TTLL12: variants seen among roughly 807,000 people sequenced by gnomAD.
TTLL12 encodes the protein tubulin--tyrosine ligase-like protein 12.
In TTLL12, 77 loss-of-function variants were observed where a neutral mutation model predicts 79.6. That is an observed-to-expected ratio of 0.97 (90% confidence interval 0.81 to 1.17). The LOEUF (loss-of-function observed/expected upper bound fraction) is 1.17. TTLL12 is among the 50% of genes most tolerant of loss of function. The pLI is 0.00. For synonymous variants in TTLL12, 437 were observed against 376.1 expected (o/e 1.16, Z -1.87); for missense variants, 969 against 895.9 (o/e 1.08, Z -1.04).
At chr22:43,168,491 G>A (rs2147064996) in intron 13 of TTLL12, among the ~76,000 whole-genome samples, 1 of 152,026 alleles carries the variant, frequency 6.6e-6, no homozygotes, top group South Asian at 2.1e-4. Flanking sequence ...CACAGGGAAG[G>A]CCAGCCAGGG....
intron 1 of TTLL12, among the ~76,000 whole-genome samples, chr22:43,185,126 G>A (rs183532754): frequency 1.5e-4 from 23 of 151,666 alleles, no homozygotes; most frequent in Non-Finnish European, 1.5e-5. Flanking sequence ...TACTCGGGAG[G>A]CTGAGGCAGG....
Position 43,171,899 on chromosome 22 carries a change from C to A in TTLL12, c.1495G>T (p.Ala499Ser). ...TCATCCAGGTCGTTGAGTGCAAAGG[C>A]CCTGGAAGACAAGTGTGCAGACACA... is the stretch of plus-strand genomic sequence containing the variant. ...DVFWLRFSNRAFALNDLDDYE... is the reference protein window; with the variant it reads ...DVFWLRFSNRSFALNDLDDYE... Residue 499 changes from alanine (A) to serine (S), a missense_variant and splice_region_variant, in exon 11 of 14, where the codon GCC becomes TCC. Transcript: ENST00000216129. The A allele has an allele frequency of 1.9e-6, 3 of 1,614,020 alleles. No individual in the cohort carries two copies. In the South Asian group the frequency reaches 3.3e-5, roughly 18 times the overall value.
In TTLL12 at chr22:43,172,556, T is replaced by C. The variant is rs945527419; in HGVS notation, c.1342-2A>G. On this transcript the variant is annotated splice_acceptor_variant, in intron 9 of 13. Transcript: ENST00000216129. LOFTEE classifies it high-confidence loss of function. ...ACTTTCGATGTACTTGGACACAACCTGGAGGACACAGGTGCAAGCTCGCTG... is the reference window on the plus strand; with the variant it reads ...ACTTTCGATGTACTTGGACACAACCCGGAGGACACAGGTGCAAGCTCGCTG... 1 of 1,613,924 alleles carries C rather than the reference T, an allele frequency of 6.2e-7. No individual in the cohort carries two copies. The highest frequency in any genetic ancestry group is 8.5e-7 in the Non-Finnish European group (1 of 1,180,018).
At position 43,166,960 on chromosome 22, in the gene TTLL12, C is replaced by T. The variant is rs935645502; in HGVS notation, c.*1048G>A. On this transcript the variant is annotated 3_prime_UTR_variant, in exon 14 of 14. Transcript: ENST00000216129. The stretch of plus-strand genomic sequence containing the variant: ...TGGGCAGTTAGGTCCACCCACTGCC[C>T]GTGAGCTGGGCCCAGGCACACTGCA... 14 of 312,368 alleles carry T rather than the reference C, an allele frequency of 4.5e-5. No homozygotes were observed. Among genetic ancestry groups the T allele is most frequent in the South Asian group, 1.6e-4 (6 of 36,710 alleles). 19.3% of individuals were successfully genotyped at this position (312,368 alleles called of 1,614,324 possible). A position where few individuals can be genotyped will look rare whatever the true frequency, so the allele number is the denominator to read the frequency against.
intron 13 of TTLL12, 106 bp from the exon 14 acceptor site, chr22:43,168,265 CT>C (rs1931669464): frequency 1.4e-6 from 2 of 1,470,790 alleles, no homozygotes; most frequent in Non-Finnish European, 1.8e-6. Flanking sequence ...AACCTGGGCC[CT>C]GATTCCCAGG....
chr22:43,179,841 C>A lies in TTLL12; in HGVS notation c.706G>T (p.Glu236Ter), dbSNP rs777178577. The A allele has an allele frequency of 6.3e-7, 1 of 1,582,500 alleles. No individual in the cohort carries two copies. Among genetic ancestry groups the A allele is most frequent in the East Asian group, 2.3e-5 (1 of 44,398 alleles). Reference sequence around the variant, plus strand: ...CAGGGCGGGCAGGTGCTGGACTTACCGCCAGTGTCCAGGTCCCTCAGGGGC... The same window carrying A: ...CAGGGCGGGCAGGTGCTGGACTTACAGCCAGTGTCCAGGTCCCTCAGGGGC... ...LWPLRDLDTGEEVTRDFAYGE... is the reference protein window; with the variant it reads ...LWPLRDLDTG The change falls in exon 4 of 14, where the codon GAG becomes TAG. Residue 236 changes from glutamate (E) to a stop codon, truncating the protein, a stop_gained and splice_region_variant. Coordinates refer to ENST00000216129, the MANE Select transcript of TTLL12 (RefSeq NM_015140.4). LOFTEE classifies it high-confidence loss of function.
In TTLL12 at chr22:43,168,764, C is replaced by T; in HGVS notation, c.1783+10G>A. Reference sequence around the variant, plus strand: ...CTGGTTTGGATCAGGAGATGGGGAGCCCCTCTTACCATCTGGGCCGTTGTC... The same window carrying T: ...CTGGTTTGGATCAGGAGATGGGGAGTCCCTCTTACCATCTGGGCCGTTGTC... On this transcript the variant is annotated intron_variant, in intron 13 of 13. Transcript: ENST00000216129. 2 of 1,551,652 alleles carry T rather than the reference C, an allele frequency of 1.3e-6. No individual in the cohort carries two copies. Among genetic ancestry groups the T allele is most frequent in the Non-Finnish European group, 1.7e-6 (2 of 1,148,450 alleles).
rs59941359 is a variant in TTLL12 at position 43,186,189 on chromosome 22, A to ACCCC, written c.177+700_177+703dup. Among the ~76,000 whole-genome samples the ACCCC allele has an allele frequency of 1.0e-3, 82 of 82,110 alleles. 5 individuals are homozygous for ACCCC. Among genetic ancestry groups the ACCCC allele is most frequent in the South Asian group, 4.8e-3 (12 of 2,502 alleles). 53.9% of individuals were successfully genotyped at this position (82,110 alleles called of 152,430 possible). ...ATGTCGGGTCCCAGCTAAAGAAAAC[A>ACCCC]CCCCCCCCCCCGCCAGCCCGGGAAG... On this transcript the variant is annotated intron_variant, in intron 1 of 13. Transcript: ENST00000216129.
intron 9 of TTLL12, 61 bp downstream of exon 9, chr22:43,173,654 C>T (rs1931821607): frequency 1.3e-6 from 2 of 1,525,138 alleles, no homozygotes; most frequent in Non-Finnish European, 8.9e-7. Flanking sequence ...TCCCCTTAGC[C>T]CCACCTCTCA....
In TTLL12 at chr22:43,171,911, A is replaced by G. The variant is rs1931775925; in HGVS notation, c.1494-11T>C. The G allele has an allele frequency of 6.2e-7, 1 of 1,613,484 alleles. No homozygotes were observed. On this transcript the variant is annotated splice_polypyrimidine_tract_variant and intron_variant, in intron 10 of 13. Transcript: ENST00000216129. ...TTGAGTGCAAAGGCCCTGGAAGACA[A>G]GTGTGCAGACACATATGGGTTCTTG... is the stretch of plus-strand genomic sequence containing the variant.
chr22:43,167,470 T>C lies in TTLL12; in HGVS notation c.*538A>G. ...GCCTCAGGCTGTTCCTGGGCCCCTGTCGCATAGAGCCCTGTGGGTGCAGTG... is the reference window on the plus strand; with the variant it reads ...GCCTCAGGCTGTTCCTGGGCCCCTGCCGCATAGAGCCCTGTGGGTGCAGTG... On this transcript the variant is annotated 3_prime_UTR_variant, in exon 14 of 14. Transcript: ENST00000216129. 1 of 270,106 alleles carries C rather than the reference T, an allele frequency of 3.7e-6. No homozygotes were observed. Among genetic ancestry groups the C allele is most frequent in the East Asian group, 1.1e-4 (1 of 9,062 alleles). 16.7% of individuals were successfully genotyped at this position (270,106 alleles called of 1,614,324 possible).
intron 1 of TTLL12, among the ~76,000 whole-genome samples, chr22:43,183,494 C>T (rs140602381): frequency 6.6e-6 from 1 of 152,174 alleles, no homozygotes; most frequent in African/African-American, 2.4e-5. Context: ...GAAAGAGAGG[C>T]CCCAAAGGCA....
At chr22:43,181,332 C>T (rs1232929156) in intron 2 of TTLL12, among the ~76,000 whole-genome samples, 1 of 152,264 alleles carries the variant, frequency 6.6e-6, no homozygotes, top group African/African-American at 2.4e-5. Context: ...CGGGCCACTG[C>T]AGGGCAGGCC....
chr22:43,168,948 C>A, intron 12 of TTLL12, 36 bp from the exon 13 acceptor site: 1 of 1,587,106 alleles, frequency 6.3e-7, no homozygotes, highest in South Asian at 1.1e-5. Context: ...GAGGCCTGCT[C>A]AGAACAGCCT....
Position 43,187,046 on chromosome 22 carries a change from C to A in TTLL12, c.24G>T (p.Glu8Asp). The A allele has an allele frequency of 8.4e-7, 1 of 1,194,368 alleles. No individual in the cohort carries two copies. Among genetic ancestry groups the A allele is most frequent in the Non-Finnish European group, 1.0e-6 (1 of 963,718 alleles). 74.0% of individuals were successfully genotyped at this position (1,194,368 alleles called of 1,614,324 possible). A position where few individuals can be genotyped will look rare whatever the true frequency, so the allele number is the denominator to read the frequency against. Residue 8 changes from glutamate (E) to aspartate (D), a missense_variant, in exon 1 of 14, where the codon GAG becomes GAT. Physicochemically the swap from Glu to Asp is conservative, Grantham distance 45. Transcript: ENST00000216129. MEAERGPERRPAERSSPG... is the reference protein window; with the variant it reads MEAERGPDRRPAERSSPG... The stretch of plus-strand genomic sequence containing the variant: ...GGCTGCTACGCTCCGCAGGCCGGCG[C>A]TCGGGACCCCGCTCGGCCTCCATGG...
At chr22:43,173,618 C>T (rs1931820430) in intron 9 of TTLL12, 97 bp downstream of exon 9, 1 of 1,173,864 alleles carries the variant, frequency 8.5e-7, no homozygotes, top group Non-Finnish European at 1.2e-6. Context: ...CAGCCTGGAC[C>T]TGTCCATAAG....
rs374073574 is a variant in TTLL12 at position 43,172,357 on chromosome 22, G to C, written c.1493+46C>G. On this transcript the variant is annotated intron_variant, in intron 10 of 13. Coordinates refer to ENST00000216129, the MANE Select transcript of TTLL12 (RefSeq NM_015140.4). ...CATCACCCACCCGCTACCTCCACCC[G>C]GTCACCCAGCTCCCCGACCCTGGAC... The C allele has an allele frequency of 3.1e-6, 5 of 1,601,530 alleles. No homozygotes were observed. The African/African-American group carries it at 6.7e-5, about 21-fold the overall frequency.
chr22:43,169,468 C>T (rs772905760), intron 12 of TTLL12, 32 bp downstream of exon 12: 167 of 1,537,798 alleles, frequency 1.1e-4, no homozygotes, highest in Admixed American at 3.6e-4. Context: ...CCCGCCCCAC[C>T]GGCCTGCGAT....
At chr22:43,182,411 C>T (rs1410111259) in intron 2 of TTLL12, among the ~76,000 whole-genome samples, 1 of 152,198 alleles carries the variant, frequency 6.6e-6, no homozygotes, top group Non-Finnish European at 1.5e-5. Context: ...GACACAGGGG[C>T]CCAGCAAGTT....
Sources: allele counts gnomAD v4.1 joint callset (sites outside exome capture counted in the v4.1 genomes callset), GRCh38; gene constraint gnomAD v4.1.1; transcripts MANE v1.5; gene names NCBI Gene and HGNC (gene_info 2026-07-23, HGNC 2026-07-21).